CCDC169: variants seen among roughly 807,000 people sequenced by gnomAD.
The protein encoded by CCDC169 is coiled-coil domain containing 169.
A neutral mutation model predicts 36.0 loss-of-function variants in CCDC169; 30 were observed. The ratio of observed to expected loss-of-function variants is 0.83; its 90% confidence interval spans 0.62 to 1.13. CCDC169 has a LOEUF of 1.13. Among genes scored for constraint, CCDC169 ranks in the 50% most tolerant of loss-of-function variants. The pLI, the probability that CCDC169 is intolerant of heterozygous loss-of-function variation, is 0.00. For synonymous variants in CCDC169, 85 were observed against 81.5 expected (o/e 1.04, Z -0.23); for missense variants, 245 against 245.9 (o/e 1.00, Z 0.03).
At chr13:36,297,563 CAGCCCTG>C in intron 1 of CCDC169, 67 bp downstream of exon 1, 5 of 1,430,966 alleles carry the variant, frequency 3.5e-6, no homozygotes, top group Non-Finnish European at 4.8e-6. Flanking sequence ...TCAGCGGCTT[CAGCCCTG>C]AGACTCTGCA....
chr13:36,287,848 AT>A (rs745375513), intron 2 of CCDC169, among the ~76,000 whole-genome samples: 59 of 151,102 alleles, frequency 3.9e-4, no homozygotes, highest in Middle Eastern at 3.4e-3. Flanking sequence ...ATCTTTGTGT[AT>A]TTTTTTTTGA....
chr13:36,282,333 T>C (rs1877635390), intron 4 of CCDC169: 1 of 954,022 alleles, frequency 1.0e-6, no homozygotes, highest in Non-Finnish European at 1.2e-6. Flanking sequence ...TTATTCTTTA[T>C]ATCAAAGAAT....
At chr13:36,265,788 T>C (rs980779969) in intron 4 of CCDC169, among the ~76,000 whole-genome samples, 2 of 152,246 alleles carry the variant, frequency 1.3e-5, no homozygotes, top group African/African-American at 2.4e-5. Context: ...CTGTCAAGTA[T>C]ATCTATTTCA....
At chr13:36,249,923 G>T (rs937165935) in intron 6 of CCDC169, among the ~76,000 whole-genome samples, 1 of 151,248 alleles carries the variant, frequency 6.6e-6, no homozygotes, top group Non-Finnish European at 1.5e-5. Context: ...ATGAGTGACA[G>T]GTTTGGGTAT....
At chr13:36,254,997 A>C (rs888889248) in intron 4 of CCDC169, among the ~76,000 whole-genome samples, 1 of 151,894 alleles carries the variant, frequency 6.6e-6, no homozygotes, top group Non-Finnish European at 1.5e-5. Flanking sequence ...ACTTGGCCTC[A>C]CAGTTAGCTG....
At chr13:36,239,441 G>C (rs1871492086) in intron 7 of CCDC169, among the ~76,000 whole-genome samples, 1 of 152,042 alleles carries the variant, frequency 6.6e-6, no homozygotes, top group Non-Finnish European at 1.5e-5. Context: ...AAATAATAGT[G>C]GTTAAGCCTC....
intron 4 of CCDC169, chr13:36,281,011 T>C: frequency 3.8e-6 from 1 of 265,642 alleles, no homozygotes; most frequent in South Asian, 4.1e-5. Context: ...AATTACTGGG[T>C]GCAGCATCTT....
chr13:36,254,275 CTT>C (rs1368470201), intron 4 of CCDC169, 132 bp from the exon 5 acceptor site: 4,406 of 362,196 alleles, frequency 0.012, no homozygotes, highest in South Asian at 0.019. Flanking sequence ...ATGATATGTA[CTT>C]TTTTTTTTTT....
chr13:36,277,170 G>A (rs1003447639), intron 4 of CCDC169, among the ~76,000 whole-genome samples: 1 of 152,086 alleles, frequency 6.6e-6, no homozygotes, highest in African/African-American at 2.4e-5. Context: ...GCAGGGATAT[G>A]GATGGAGCTG....
At chr13:36,227,749 G>C (rs1028922071), downstream of CCDC169, among the ~76,000 whole-genome samples, 7 of 152,076 alleles carry the variant, frequency 4.6e-5, no homozygotes, top group African/African-American at 1.7e-4. Context: ...TTGTGCAACT[G>C]TCACTGCAAT....
chr13:36,233,407 A>G (rs1211115096), intron 7 of CCDC169, among the ~76,000 whole-genome samples: 1 of 152,192 alleles, frequency 6.6e-6, no homozygotes, highest in Non-Finnish European at 1.5e-5. Context: ...AAATTACAAT[A>G]TATGAGAAGA....
intron 4 of CCDC169, among the ~76,000 whole-genome samples, chr13:36,279,711 T>C: frequency 6.6e-6 from 1 of 152,214 alleles, no homozygotes; most frequent in East Asian, 1.9e-4. Flanking sequence ...AGCTTCTGCC[T>C]GTTTTTGTAA....
At chr13:36,285,607 A>ATAGATAGATAGATAGATAGCTAGC in intron 2 of CCDC169, among the ~76,000 whole-genome samples, 1 of 149,162 alleles carries the variant, frequency 6.7e-6, no homozygotes, top group Non-Finnish European at 1.5e-5. Context: ...AGATAGATAG[A>ATAGATAGATAGATAGATAGCTAGC]TAGATAGATA....
chr13:36,286,370 C>T (rs1291144905), intron 2 of CCDC169, among the ~76,000 whole-genome samples: 4 of 152,132 alleles, frequency 2.6e-5, no homozygotes, highest in Non-Finnish European at 5.9e-5. Flanking sequence ...GTCGCTGGGG[C>T]TCTGCTTTAT....
intron 4 of CCDC169, among the ~76,000 whole-genome samples, chr13:36,271,570 C>G (rs1190754397): frequency 6.6e-6 from 1 of 152,112 alleles, no homozygotes; most frequent in Non-Finnish European, 1.5e-5. Flanking sequence ...TGGAATACTA[C>G]TCAGGCATTA....
At chr13:36,293,843 A>G (rs1375004360) in intron 2 of CCDC169, among the ~76,000 whole-genome samples, 2 of 152,138 alleles carry the variant, frequency 1.3e-5, no homozygotes, top group African/African-American at 4.8e-5. Flanking sequence ...CAGAATTATA[A>G]GAGTTTGTTG....
At chr13:36,284,922 C>T (rs1877985550) in intron 2 of CCDC169, among the ~76,000 whole-genome samples, 1 of 152,146 alleles carries the variant, frequency 6.6e-6, no homozygotes. Flanking sequence ...AACCCCCTCC[C>T]ATACTGAAAC....
chr13:36,224,091 A>G (rs1417826753), downstream of CCDC169: 1 of 152,136 alleles, frequency 6.6e-6, no homozygotes, highest in Non-Finnish European at 1.5e-5. Flanking sequence ...CAAAAATCAA[A>G]AGGTGTTTTA....
In CCDC169 at chr13:36,265,905, G is replaced by C. The variant is rs1594050929; in HGVS notation, c.316-11762C>G. Among the ~76,000 whole-genome samples the C allele has an allele frequency of 5.3e-5, 8 of 152,264 alleles. No individual in the cohort carries two copies. In the South Asian group the frequency reaches 1.7e-3, roughly 32 times the overall value. On this transcript the variant is annotated intron_variant, in intron 4 of 7. Coordinates refer to ENST00000239859, the MANE Select transcript of CCDC169 (RefSeq NM_001144981.3). ...ATTTGGTCATAGATTTCCACTCTAG[G>C]AATCAACGTTAACTCAGACCCTGTG...
Sources: allele counts gnomAD v4.1 joint callset (sites outside exome capture counted in the v4.1 genomes callset), GRCh38; gene constraint gnomAD v4.1.1; transcripts MANE v1.5; gene names NCBI Gene and HGNC (gene_info 2026-07-23, HGNC 2026-07-21).